ZNF699: variants seen among roughly 807,000 people sequenced by gnomAD.
ZNF699 encodes hangover homolog.
ZNF699 carries 18 observed loss-of-function variants against 22.5 expected under a neutral mutation model. The ratio of observed to expected loss-of-function variants is 0.80; its 90% CI spans 0.55 to 1.19. The LOEUF (loss-of-function observed/expected upper bound fraction) is 1.19. Ranked by LOEUF, ZNF699 falls within the 50% of genes most tolerant of loss-of-function variation. The pLI is 0.00. For missense variants in ZNF699, 670 were observed against 763.4 expected (o/e 0.88, Z 1.44); for synonymous variants, 241 against 262.3 (o/e 0.92, Z 0.78).
At chr19:9,304,985 A>G in intron 2 of ZNF699, 87 bp downstream of exon 2, 1 of 1,066,316 alleles carries the variant, frequency 9.4e-7, no homozygotes, top group Non-Finnish European at 1.4e-6. Flanking sequence ...CAATACAGAA[A>G]GAGATTGCTG....
chr19:9,301,530 T>C (rs2066307140), intron 3 of ZNF699, among the ~76,000 whole-genome samples: 1 of 152,194 alleles, frequency 6.6e-6, no homozygotes, highest in Admixed American at 6.5e-5. Context: ...TGTGATACTC[T>C]GCTACAGAAG....
rs2066293534 is a variant in ZNF699, at chr19:9,298,010, T to C, written c.176-20A>G. 3 of 1,488,486 alleles carry C rather than the reference T, an allele frequency of 2.0e-6. No individual in the cohort carries two copies. The highest frequency in any genetic ancestry group is 2.8e-5 in the African/African-American group (2 of 71,802). The allele number at this position is 1,488,486 out of a possible 1,614,324, so 92.2% of individuals were successfully genotyped here. A position where few individuals can be genotyped will look rare whatever the true frequency, so the allele number is the denominator to read the frequency against. On this transcript the variant is annotated intron_variant, in intron 3 of 5. Transcript: ENST00000591998. The stretch of plus-strand genomic sequence containing the variant: ...GATACCCTGCACAAGCAGAAAGGCA[T>C]ATCACGAGGGAAAATAATGAAGAAT...
rs2066271471 is a variant in ZNF699, at chr19:9,293,184, C to T, written c.*2291G>A. Among the ~76,000 whole-genome samples, 4 of 145,954 alleles carry T rather than the reference C, an allele frequency of 2.7e-5. No homozygotes were observed. The highest frequency in any genetic ancestry group is 1.1e-4 in the African/African-American group (4 of 36,410). ...ATGGATGAAATGTTTCAACAGGTGC[C>T]CTCAAAAAAAAAAAAAATCCAAATA... On this transcript the variant is annotated 3_prime_UTR_variant, in exon 6 of 6. Coordinates refer to ENST00000591998, the MANE Select transcript of ZNF699 (RefSeq NM_198535.3).
chr19:9,297,406 T>A lies in ZNF699; in HGVS notation c.360A>T (p.Glu120Asp), dbSNP rs759613224. 1.1e-5 allele frequency: 18 copies of A among 1,601,326 alleles called. No individual in the cohort carries two copies. Among genetic ancestry groups the A allele is most frequent in the Non-Finnish European group, 1.4e-5 (16 of 1,177,714 alleles). ...TCCTTTTGAATCTTACTATTTTCTG[T>A]TCATTGGATATTTTTTCTCCACAAA... ...QDICGEKISN[E>D]QKIVRFKRND... The change falls in exon 5 of 6, where the codon GAA becomes GAT. Residue 120 changes from glutamate to aspartate, a missense_variant. Coordinates refer to ENST00000591998, the MANE Select transcript of ZNF699 (RefSeq NM_198535.3). This position sits in a 1 kb window ranked among gnomAD's most constrained non-coding sequence, Gnocchi z 4.3.
intron 2 of ZNF699, 88 bp from the exon 3 acceptor site, chr19:9,302,592 T>C: frequency 7.1e-7 from 1 of 1,401,186 alleles, no homozygotes; most frequent in East Asian, 2.4e-5. Flanking sequence ...ATCGAGGAAA[T>C]GAGAGTCAAT....
rs1457698158 is a variant in ZNF699 at position 9,297,101 on chromosome 19, G to T, written c.471-168C>A. The stretch of plus-strand genomic sequence containing the variant: ...GACTCACGGGATTTTTCTGATAATT[G>T]TTTACAACTGAAGTATGTGTCAAAC... On this transcript the variant is annotated intron_variant, in intron 5 of 5. Coordinates refer to ENST00000591998, the MANE Select transcript of ZNF699 (RefSeq NM_198535.3). The surrounding 1 kb of genome is among the most constrained non-coding windows in gnomAD (Gnocchi z 4.3). Among the ~76,000 whole-genome samples, 1 of 152,102 alleles carries T rather than the reference G, an allele frequency of 6.6e-6. No individual in the cohort carries two copies. Among genetic ancestry groups the T allele is most frequent in the Non-Finnish European group, 1.5e-5 (1 of 68,030 alleles).
intron 3 of ZNF699, among the ~76,000 whole-genome samples, chr19:9,299,875 AAAG>A (rs1157826860): frequency 1.3e-5 from 2 of 152,016 alleles, no homozygotes; most frequent in African/African-American, 4.8e-5. Context: ...TAAAAAAAAA[AAAG>A]ACAAAAAAAT....
At chr19:9,302,159 C>T (rs1470546168) in intron 3 of ZNF699, among the ~76,000 whole-genome samples, 1 of 152,148 alleles carries the variant, frequency 6.6e-6, no homozygotes, top group Non-Finnish European at 1.5e-5. Flanking sequence ...GCCTTAGCCT[C>T]CCAAAATGCT....
chr19:9,297,146 T>G lies in ZNF699; in HGVS notation c.470+150A>C. 1 of 910,386 alleles carries G rather than the reference T, an allele frequency of 1.1e-6. No individual in the cohort carries two copies. The highest frequency in any genetic ancestry group is 1.6e-6 in the Non-Finnish European group (1 of 628,972). 56.4% of individuals were successfully genotyped at this position (910,386 alleles called of 1,614,324 possible). The stretch of plus-strand genomic sequence containing the variant: ...TCAAACATTCAAAATCCCGGTCTCA[T>G]TTGTGGAAAAAATTAACTCATGAAA... On this transcript the variant is annotated intron_variant, in intron 5 of 5. Transcript: ENST00000591998. This position sits in a 1 kb window ranked among gnomAD's most constrained non-coding sequence, Gnocchi z 4.3.
chr19:9,296,594 C>T lies in ZNF699; in HGVS notation c.810G>A (p.Met270Ile). Residue 270 changes from methionine (M) to isoleucine (I), a missense_variant, in exon 6 of 6, where the codon ATG becomes ATA. Coordinates refer to ENST00000591998, the MANE Select transcript of ZNF699 (RefSeq NM_198535.3). ...FSCSSFFRAH[M>I]KIHIGKTNYE... ...AGTTTGTCTTTCCGATGTGAATCTT[C>T]ATATGTGCCCTAAAGAATGAGGAAC... is the stretch of plus-strand genomic sequence containing the variant. 5 of 1,614,154 alleles carry T rather than the reference C, an allele frequency of 3.1e-6. No individual in the cohort carries two copies. Among genetic ancestry groups the T allele is most frequent in the Non-Finnish European group, 3.4e-6 (4 of 1,180,024 alleles).
At chr19:9,306,123 G>C (rs2066326911) in intron 1 of ZNF699, among the ~76,000 whole-genome samples, 2 of 151,430 alleles carry the variant, frequency 1.3e-5, no homozygotes, top group Admixed American at 6.6e-5. Flanking sequence ...GCCAAGCATG[G>C]TGGCTCACGC....
In ZNF699 at chr19:9,296,248, T is replaced by C. The variant is rs777213423; in HGVS notation, c.1156A>G (p.Thr386Ala). The C allele has an allele frequency of 6.2e-7, 1 of 1,614,140 alleles. No homozygotes were observed. The highest frequency in any genetic ancestry group is 8.5e-7 in the Non-Finnish European group (1 of 1,180,016). The stretch of plus-strand genomic sequence containing the variant: ...TTACATTTATAGGGTTTCTCTCCAG[T>C]ATGTGTCCTCCCATGTACAGTGAGT... ...SKLTVHGRTH[T>A]GEKPYKCKEC... Residue 386 changes from threonine (T) to alanine (A), a missense_variant, in exon 6 of 6, where the codon ACT becomes GCT. Thr to Ala is a moderately conservative substitution (Grantham distance 58). Transcript: ENST00000591998.
At chr19:9,301,941 T>C (rs2144980222) in intron 3 of ZNF699, among the ~76,000 whole-genome samples, 1 of 151,936 alleles carries the variant, frequency 6.6e-6, no homozygotes, top group Admixed American at 6.6e-5. Context: ...TCACTCTTGT[T>C]GCCCAGGCTG....
intron 3 of ZNF699, among the ~76,000 whole-genome samples, chr19:9,299,355 C>T (rs551861968): frequency 2.0e-5 from 3 of 152,260 alleles, no homozygotes; most frequent in African/African-American, 7.2e-5. Flanking sequence ...AGGATGGTCT[C>T]GATCTCCTGA....
At chr19:9,306,318 G>A (rs1479734398) in intron 1 of ZNF699, among the ~76,000 whole-genome samples, 5 of 151,974 alleles carry the variant, frequency 3.3e-5, no homozygotes, top group African/African-American at 1.2e-4. Context: ...CTTGAACCCG[G>A]GAGGCGGAGG....
chr19:9,303,942 C>T (rs779875684), intron 2 of ZNF699, among the ~76,000 whole-genome samples: 3 of 151,912 alleles, frequency 2.0e-5, no homozygotes, highest in Non-Finnish European at 2.9e-5. Flanking sequence ...CTCAGCCTCC[C>T]GAGTAGCTGG....
At chr19:9,299,940 A>G (rs907274762) in intron 3 of ZNF699, among the ~76,000 whole-genome samples, 10 of 152,210 alleles carry the variant, frequency 6.6e-5, no homozygotes, top group African/African-American at 2.4e-4. Context: ...CAGATGGCAA[A>G]TAAGCATATG....
chr19:9,295,520 G>C lies in ZNF699; in HGVS notation c.1884C>G (p.Ala628=). 6.2e-7 allele frequency: 1 copy of C among 1,613,450 alleles called. No homozygotes were observed. The highest frequency in any genetic ancestry group is 1.1e-5 in the South Asian group (1 of 91,034). Residue 628 remains alanine (A), a synonymous_variant, in exon 6 of 6, where the codon GCC becomes GCG. Coordinates refer to ENST00000591998, the MANE Select transcript of ZNF699 (RefSeq NM_198535.3). ...KECGKAFVCP[A]YFRRHVKTHT... The stretch of plus-strand genomic sequence containing the variant: ...GAGTTTTCACATGCCTTCGAAAGTA[G>C]GCAGGACAAACAAAGGCTTTCCCAC...
chr19:9,298,091 T>A, intron 3 of ZNF699, 101 bp from the exon 4 acceptor site: 1 of 687,958 alleles, frequency 1.5e-6, no homozygotes, highest in East Asian at 2.6e-5. Context: ...ATTCCAAAAA[T>A]GGACAACTGT....
Sources: gnomAD v4.1 joint callset for allele counts (sites outside exome capture counted in the v4.1 genomes callset) on GRCh38, gnomAD v4.1.1 for gene constraint, Gnocchi (gnomAD v3.1) non-coding constraint, MANE v1.5 for transcripts, NCBI Gene and HGNC (gene_info 2026-07-23, HGNC 2026-07-21) for gene names.